The following RAI1 variants were observed in gnomAD, a reference collection of about 807,000 sequenced individuals.
RAI1 encodes the protein retinoic acid-induced protein 1.
RAI1 carries 9 observed loss-of-function variants against 123.8 expected under a neutral mutation model. The ratio of observed to expected loss-of-function variants is 0.07; its 90% confidence interval spans 0.04 to 0.13. The LOEUF (loss-of-function observed/expected upper bound fraction) is 0.13, where lower values mean the gene tolerates loss of function less well. Ranked by LOEUF, RAI1 falls within the 10% of genes least tolerant of loss-of-function variation. The pLI is 1.00. For missense variants in RAI1, 2,256 were observed against 2,545.8 expected (o/e 0.89, Z 2.45); for synonymous variants, 1,231 against 1,127.3 (o/e 1.09, Z -1.84).
rs1914900412 is a variant in RAI1, at chr17:17,693,231, AG to A, written c.-149+11439del. On this transcript the variant is annotated intron_variant, in intron 1 of 5. Transcript: ENST00000353383. ...GGGATACCTGGGAGTCCCCAGAAAGAGTGAGGATGGGTGAGGGCCATGAAAC... is the reference window on the plus strand; with the variant it reads ...GGGATACCTGGGAGTCCCCAGAAAGATGAGGATGGGTGAGGGCCATGAAAC... Among the ~76,000 whole-genome samples, 4 of 152,200 alleles carry A rather than the reference AG, an allele frequency of 2.6e-5. No individual in the cohort carries two copies. The South Asian group carries it at 8.3e-4, about 31-fold the overall frequency.
At chr17:17,785,639 G>A (rs2031800673) in intron 2 of RAI1, among the ~76,000 whole-genome samples, 1 of 152,176 alleles carries the variant, frequency 6.6e-6, no homozygotes, top group African/African-American at 2.4e-5. Flanking sequence ...GCCTCTGGAA[G>A]CCTCCAGCCT....
chr17:17,778,636 C>T, intron 2 of RAI1: 1 of 430,828 alleles, frequency 2.3e-6, no homozygotes, highest in Non-Finnish European at 4.7e-6. Context: ...GAAACCGGAG[C>T]CCCAGCCCCT....
intron 1 of RAI1, among the ~76,000 whole-genome samples, chr17:17,723,701 C>T (rs1915967256): frequency 6.7e-6 from 1 of 149,594 alleles, no homozygotes; most frequent in Non-Finnish European, 1.5e-5. Context: ...CTGCCCCCTC[C>T]TCCTCCTCCC....
At chr17:17,752,127 G>T (rs1286752290) in intron 2 of RAI1, among the ~76,000 whole-genome samples, 1 of 152,202 alleles carries the variant, frequency 6.6e-6, no homozygotes, top group Non-Finnish European at 1.5e-5. Flanking sequence ...GCAGCCCTGT[G>T]GGGAGAGGGC....
chr17:17,690,006 C>T (rs1333470791), intron 1 of RAI1, among the ~76,000 whole-genome samples: 1 of 152,086 alleles, frequency 6.6e-6, no homozygotes, highest in East Asian at 1.9e-4. Flanking sequence ...CTGTTGGGGC[C>T]TGATGCTGGG....
intron 1 of RAI1, among the ~76,000 whole-genome samples, chr17:17,718,195 C>A (rs907771168): frequency 6.6e-6 from 1 of 152,104 alleles, no homozygotes; most frequent in African/African-American, 2.4e-5. Flanking sequence ...TCACTCCAGC[C>A]AGAACCTGCA....
intron 2 of RAI1, among the ~76,000 whole-genome samples, chr17:17,746,585 C>A (rs1008208845): frequency 7.2e-5 from 11 of 151,832 alleles, no homozygotes; most frequent in Admixed American, 7.2e-4. Context: ...CAAAAGCCAT[C>A]GCCTGTCCCA....
intron 1 of RAI1, among the ~76,000 whole-genome samples, chr17:17,706,599 T>C (rs1291630118): frequency 1.3e-5 from 2 of 152,014 alleles, no homozygotes; most frequent in African/African-American, 4.8e-5. Flanking sequence ...CCCTGTGCAG[T>C]GACGGGGAAA....
intron 1 of RAI1, among the ~76,000 whole-genome samples, chr17:17,687,066 C>G (rs1320851508): frequency 6.6e-6 from 1 of 152,142 alleles, no homozygotes; most frequent in African/African-American, 2.4e-5. Context: ...TCACTGCAAC[C>G]TCTGCCTCCC....
intron 2 of RAI1, among the ~76,000 whole-genome samples, chr17:17,769,393 G>A (rs1014589067): frequency 6.6e-6 from 1 of 152,258 alleles, no homozygotes; most frequent in African/African-American, 2.4e-5. Context: ...ATCTCAGACT[G>A]CAGCATGTGG....
Position 17,795,958 on chromosome 17 carries a change from C to T in RAI1, c.3010C>T (p.His1004Tyr). The T allele has an allele frequency of 6.2e-7, 1 of 1,605,368 alleles. No homozygotes were observed. Residue 1004 changes from histidine to tyrosine, a missense_variant, in exon 3 of 6, where the codon CAC becomes TAC. His to Tyr is a moderately conservative substitution (Grantham distance 83). Around this residue, in one of 7 missense-constraint regions of RAI1, gnomAD observed 566 missense variants for 616.0 expected, o/e 0.92. Transcript: ENST00000353383. This position sits in a 1 kb window ranked among gnomAD's most constrained non-coding sequence, Gnocchi z 5.9. Reference sequence around the variant, plus strand: ...CAAAAGCTTACGGAGCCGTCGGGTGCACCGGGGGCTGCCCGAGGCCGAGGA... The same window carrying T: ...CAAAAGCTTACGGAGCCGTCGGGTGTACCGGGGGCTGCCCGAGGCCGAGGA... ...RGKSLRSRRV[H>Y]RGLPEAEDSP...
At chr17:17,775,253 G>A (rs1381872909) in intron 2 of RAI1, among the ~76,000 whole-genome samples, 1 of 147,554 alleles carries the variant, frequency 6.8e-6, no homozygotes, top group African/African-American at 2.5e-5. Context: ...GCCTGAGTTG[G>A]AGTGCGGTGG....
intron 2 of RAI1, among the ~76,000 whole-genome samples, chr17:17,780,074 C>A (rs1219049733): frequency 5.2e-5 from 4 of 76,916 alleles, no homozygotes; most frequent in African/African-American, 1.9e-4. Context: ...TCCACCCAGG[C>A]TTTTTTTTAA....
At chr17:17,735,130 G>A (rs933278954) in intron 2 of RAI1, among the ~76,000 whole-genome samples, 8 of 151,862 alleles carry the variant, frequency 5.3e-5, no homozygotes, top group African/African-American at 1.9e-4. Context: ...TCAGCTCACT[G>A]CAACCTCTGC....
At chr17:17,759,818 A>G (rs1367648814) in intron 2 of RAI1, among the ~76,000 whole-genome samples, 1 of 152,204 alleles carries the variant, frequency 6.6e-6, no homozygotes, top group East Asian at 1.9e-4. Context: ...TGTGAAAAGA[A>G]GTGGAAGCTG....
intron 1 of RAI1, among the ~76,000 whole-genome samples, chr17:17,709,889 T>A (rs1915511836): frequency 6.6e-6 from 1 of 152,184 alleles, no homozygotes; most frequent in Non-Finnish European, 1.5e-5. Context: ...AGCTGGTGCT[T>A]CAGGAGGAAA....
intron 2 of RAI1, among the ~76,000 whole-genome samples, chr17:17,782,543 G>A (rs754409697): frequency 6.6e-6 from 1 of 151,018 alleles, no homozygotes; most frequent in Non-Finnish European, 1.5e-5. Flanking sequence ...CCCCCCGCCC[G>A]CAGCCTTGCG....
Position 17,738,102 on chromosome 17 carries a change from TAGTATGGCCTGAGCACTC to T in RAI1, c.-17+13957_-17+13974del, listed in dbSNP as rs944560492. ...CAGGGTCAAGGGGGCCAGTATGGCATAGTATGGCCTGAGCACTCAGTATGGCCTGAGTATGGCTCAGGC... is the reference window on the plus strand; with the variant it reads ...CAGGGTCAAGGGGGCCAGTATGGCATAGTATGGCCTGAGTATGGCTCAGGC... On this transcript the variant is annotated intron_variant, in intron 2 of 5. Transcript: ENST00000353383. Among the ~76,000 whole-genome samples the T allele has an allele frequency of 1.7e-3, 258 of 151,754 alleles. 2 individuals are homozygous for T. Among genetic ancestry groups the T allele is most frequent in the Admixed American group, 0.014 (210 of 15,284 alleles).
At chr17:17,740,468 C>G (rs1395513499) in intron 2 of RAI1, among the ~76,000 whole-genome samples, 2 of 152,240 alleles carry the variant, frequency 1.3e-5, no homozygotes, top group African/African-American at 4.8e-5. Context: ...TTCATCTGCT[C>G]TGAGCCCTAA....
Sources: allele counts gnomAD v4.1 joint callset (sites outside exome capture counted in the v4.1 genomes callset), GRCh38; gene constraint gnomAD v4.1.1; regional missense constraint gnomAD v4.1.1; non-coding constraint Gnocchi (gnomAD v3.1); transcripts MANE v1.5; gene names NCBI Gene and HGNC (gene_info 2026-07-23, HGNC 2026-07-21).